Variants in ADARB1 observed in about 807,000 individuals in gnomAD.
ADARB1 encodes the protein adenosine deaminase RNA specific B1.
ADARB1 carries 10 observed loss-of-function variants against 52.4 expected under a neutral mutation model. That is an observed-to-expected ratio of 0.19 (90% CI 0.12 to 0.32). The LOEUF is 0.32. ADARB1 is among the 10% of genes least tolerant of loss of function. The pLI, the probability that ADARB1 is intolerant of heterozygous loss-of-function variation, is 1.00. For missense variants in ADARB1, 643 were observed against 922.3 expected (o/e 0.70, Z 3.92); for synonymous variants, 349 against 371.1 (o/e 0.94, Z 0.68).
Position 45,187,963 on chromosome 21 carries a change from A to T in ADARB1, c.1565+2872A>T, listed in dbSNP as rs529057895. Among the ~76,000 whole-genome samples the T allele has an allele frequency of 2.6e-5, 4 of 151,992 alleles. No homozygotes were observed. In the East Asian group the frequency reaches 7.7e-4, roughly 29 times the overall value. ...TTTGTAGCTTTTTTTACCCTTCTTC[A>T]TGTCTTTGGCTTTGATATCAGGGTA... is the stretch of plus-strand genomic sequence containing the variant. On this transcript the variant is annotated intron_variant, in intron 8 of 10. Coordinates refer to ENST00000348831, the MANE Select transcript of ADARB1 (RefSeq NM_001112.4).
chr21:45,114,299 A>G (rs1248539844), intron 1 of ADARB1, among the ~76,000 whole-genome samples: 2 of 152,300 alleles, frequency 1.3e-5, no homozygotes, highest in East Asian at 3.9e-4. Flanking sequence ...CCCCATTCAC[A>G]TTGCTGAACT....
chr21:45,106,066 T>G (rs896888016), intron 1 of ADARB1, among the ~76,000 whole-genome samples: 2 of 152,242 alleles, frequency 1.3e-5, no homozygotes, highest in African/African-American at 2.4e-5. Context: ...GTTTTAGGAC[T>G]GTTTGCTTCT....
Position 45,220,953 on chromosome 21 carries a change from G to A in ADARB1, c.1865G>A (p.Gly622Asp). 6.2e-7 allele frequency: 1 copy of A among 1,613,316 alleles called. No individual in the cohort carries two copies. Among genetic ancestry groups the A allele is most frequent in the Non-Finnish European group, 8.5e-7 (1 of 1,180,028 alleles). Residue 622 changes from glycine to aspartate, a missense_variant, in exon 10 of 11, where the codon GGC becomes GAC. Transcript: ENST00000348831. This position sits in a 1 kb window ranked among gnomAD's most constrained non-coding sequence, Gnocchi z 6.3. ...INATTGKDEL[G>D]RASRLCKHAL... ...GCCACGACTGGGAAGGATGAGCTGG[G>A]CCGCGCGTCCCGCCTGTGTAAGCAC...
chr21:45,119,006 A>C (rs1482140155), intron 1 of ADARB1, among the ~76,000 whole-genome samples: 1 of 152,204 alleles, frequency 6.6e-6, no homozygotes, highest in Non-Finnish European at 1.5e-5. Flanking sequence ...ACCAAAAAGT[A>C]CCTTTTCTGA....
At chr21:45,173,457 T>C (rs1601763958) in intron 3 of ADARB1, among the ~76,000 whole-genome samples, 1 of 152,146 alleles carries the variant, frequency 6.6e-6, no homozygotes, top group African/African-American at 2.4e-5. Context: ...AATAAGAATT[T>C]AGAATGTATG....
intron 2 of ADARB1, among the ~76,000 whole-genome samples, chr21:45,137,650 T>A (rs996143901): frequency 1.3e-5 from 2 of 152,202 alleles, no homozygotes; most frequent in Admixed American, 6.5e-5. Flanking sequence ...TGATTGAGGC[T>A]CTGAGGGTTC....
intron 2 of ADARB1, among the ~76,000 whole-genome samples, chr21:45,148,695 G>T (rs1462821640): frequency 6.6e-6 from 1 of 152,164 alleles, no homozygotes; most frequent in African/African-American, 2.4e-5. Flanking sequence ...GGCTGCTCAT[G>T]GGCATCACAG....
intron 1 of ADARB1, among the ~76,000 whole-genome samples, chr21:45,120,235 T>C (rs2088087303): frequency 6.6e-6 from 1 of 152,212 alleles, no homozygotes; most frequent in South Asian, 2.1e-4. Context: ...GTGAGGGCTG[T>C]CTTTGGCCTC....
chr21:45,076,533 A>G (rs1432640683), intron 1 of ADARB1, among the ~76,000 whole-genome samples: 1 of 152,226 alleles, frequency 6.6e-6, no homozygotes, highest in Non-Finnish European at 1.5e-5. Context: ...CTGCAGGGAC[A>G]GGGGCTTAAA....
In ADARB1 at chr21:45,221,010, G is replaced by T. The variant is rs1378932480; in HGVS notation, c.1922G>T (p.Gly641Val). Residue 641 changes from glycine (G) to valine (V), a missense_variant, in exon 10 of 11, where the codon GGC (glycine) becomes GTC (valine). Coordinates refer to ENST00000348831, the MANE Select transcript of ADARB1 (RefSeq NM_001112.4). The surrounding 1 kb of genome is among the most constrained non-coding windows in gnomAD (Gnocchi z 4.9). Reference protein sequence around the residue: ...ALYCRWMRVHGKVPSHLLRSK... With the variant: ...ALYCRWMRVHVKVPSHLLRSK... ...TACTGTCGCTGGATGCGTGTGCACG[G>T]CAAGGTACTGAGGCGCCCTCACCGC... 1 of 1,609,464 alleles carries T rather than the reference G, an allele frequency of 6.2e-7. No homozygotes were observed. The highest frequency in any genetic ancestry group is 8.5e-7 in the Non-Finnish European group (1 of 1,178,584).
At chr21:45,202,465 G>T (rs1340752676) in intron 8 of ADARB1, among the ~76,000 whole-genome samples, 6 of 152,246 alleles carry the variant, frequency 3.9e-5, no homozygotes, top group Non-Finnish European at 5.9e-5. Flanking sequence ...TCTTGAGGGG[G>T]CATGGAGTGG....
chr21:45,092,003 A>C (rs1326932239), intron 1 of ADARB1, among the ~76,000 whole-genome samples: 6 of 152,166 alleles, frequency 3.9e-5, no homozygotes, highest in Non-Finnish European at 8.8e-5. Flanking sequence ...ATTTATTTGG[A>C]ACAATTTAAA....
chr21:45,156,001 A>AT, intron 2 of ADARB1, among the ~76,000 whole-genome samples: 1 of 81,298 alleles, frequency 1.2e-5, no homozygotes, highest in Non-Finnish European at 2.5e-5. Context: ...CCCATCATCC[A>AT]TCATCCACTC....
chr21:45,209,592 C>G (rs2092729538), intron 9 of ADARB1, among the ~76,000 whole-genome samples: 1 of 152,182 alleles, frequency 6.6e-6, no homozygotes, highest in Non-Finnish European at 1.5e-5. Flanking sequence ...TCCATGCCAC[C>G]CCTCCATGGT....
chr21:45,077,849 T>G (rs2086004966), intron 1 of ADARB1, among the ~76,000 whole-genome samples: 1 of 152,232 alleles, frequency 6.6e-6, no homozygotes, highest in African/African-American at 2.4e-5. Flanking sequence ...AATTGTCCAG[T>G]GAAATCATTA....
rs536472388 is a variant in ADARB1, at chr21:45,198,177, A to G, written c.1566-6378A>G. 4.6e-5 allele frequency among the ~76,000 whole-genome samples: 7 copies of G among 152,368 alleles called. No individual in the cohort carries two copies. The East Asian group carries it at 1.3e-3, about 29-fold the overall frequency. On this transcript the variant is annotated intron_variant, in intron 8 of 10. Coordinates refer to ENST00000348831, the MANE Select transcript of ADARB1 (RefSeq NM_001112.4). ...AGTTAAGAGCAGAAATTAGTTTTGT[A>G]AGCAACAAAGATGTAGCAGTGAGCA...
chr21:45,207,761 G>A (rs146971089), intron 9 of ADARB1, among the ~76,000 whole-genome samples: 95 of 152,138 alleles, frequency 6.2e-4, no homozygotes, highest in Non-Finnish European at 1.1e-3. Flanking sequence ...AAGAGAGCGC[G>A]GTATGACAGC....
chr21:45,205,474 CA>C (rs1387093010), intron 9 of ADARB1, among the ~76,000 whole-genome samples: 2 of 152,166 alleles, frequency 1.3e-5, no homozygotes, highest in Non-Finnish European at 2.9e-5. Context: ...GTCTTAGAGC[CA>C]CCAGGGTGTC....
chr21:45,114,648 G>A (rs1280549913), intron 1 of ADARB1, among the ~76,000 whole-genome samples: 2 of 151,858 alleles, frequency 1.3e-5, no homozygotes, highest in Non-Finnish European at 2.9e-5. Flanking sequence ...TATTAATAAC[G>A]TTGTTGAGGT....
Sources: allele counts gnomAD v4.1 joint callset (sites outside exome capture counted in the v4.1 genomes callset), GRCh38; gene constraint gnomAD v4.1.1; non-coding constraint Gnocchi (gnomAD v3.1); transcripts MANE v1.5; gene names NCBI Gene and HGNC (gene_info 2026-07-23, HGNC 2026-07-21).